Variants in DCC observed in about 807,000 individuals in gnomAD.
DCC encodes the protein DCC netrin 1 receptor.
DCC carries 58 observed loss-of-function variants against 172.5 expected under a neutral mutation model. The observed-to-expected ratio is 0.34, with a 90% CI of 0.27 to 0.42. The LOEUF (loss-of-function observed/expected upper bound fraction) is 0.42, where lower values mean the gene tolerates loss of function less well. DCC is among the 10% of genes least tolerant of loss of function. The pLI is 1.00. For synonymous variants in DCC, 709 were observed against 644.5 expected (o/e 1.10, Z -1.52); for missense variants, 1,740 against 1,791.0 (o/e 0.97, Z 0.51).
intron 1 of DCC, among the ~76,000 whole-genome samples, chr18:52,722,687 A>G (rs540161705): frequency 6.6e-6 from 1 of 152,090 alleles, no homozygotes; most frequent in African/African-American, 2.4e-5. Flanking sequence ...TTTTTGAGGA[A>G]CTCTCAGAGA....
intron 12 of DCC, among the ~76,000 whole-genome samples, chr18:53,238,449 A>AT (rs1403263031): frequency 4.6e-5 from 7 of 152,306 alleles, no homozygotes; most frequent in African/African-American, 1.4e-4. Flanking sequence ...CAGAATTGAA[A>AT]TATTTCCATT....
At chr18:52,461,679 C>T (rs1347257150) in intron 1 of DCC, among the ~76,000 whole-genome samples, 1 of 152,186 alleles carries the variant, frequency 6.6e-6, no homozygotes, top group African/African-American at 2.4e-5. Flanking sequence ...CGTACATTGT[C>T]TGTGATTAGC....
chr18:53,491,521 C>A (rs995160957), intron 26 of DCC, among the ~76,000 whole-genome samples: 1 of 151,912 alleles, frequency 6.6e-6, no homozygotes, highest in Non-Finnish European at 1.5e-5. Flanking sequence ...ACCCTCCAAT[C>A]CCCGAGAGGC....
intron 1 of DCC, among the ~76,000 whole-genome samples, chr18:52,559,087 A>T (rs1043118931): frequency 6.6e-6 from 1 of 151,982 alleles, no homozygotes; most frequent in African/African-American, 2.4e-5. Context: ...TTGCTTCATT[A>T]TTAAGACAGG....
intron 2 of DCC, among the ~76,000 whole-genome samples, chr18:52,856,625 C>A (rs1411371609): frequency 1.6e-3 from 136 of 82,938 alleles, no homozygotes; most frequent in African/African-American, 2.6e-3. Context: ...GACTCCATCT[C>A]AAAAAAAAAA....
chr18:52,570,329 C>T (rs1157464931), intron 1 of DCC, among the ~76,000 whole-genome samples: 1 of 152,118 alleles, frequency 6.6e-6, no homozygotes, highest in African/African-American at 2.4e-5. Context: ...GCAGATGCTT[C>T]TCCCGTTTAT....
At chr18:53,191,776 T>G (rs1365419039) in intron 9 of DCC, among the ~76,000 whole-genome samples, 1 of 152,222 alleles carries the variant, frequency 6.6e-6, no homozygotes, top group African/African-American at 2.4e-5. Context: ...CTCAGCATGA[T>G]AACAGCTCTT....
At chr18:53,530,154 C>T in intron 28 of DCC, 2 of 604,566 alleles carry the variant, frequency 3.3e-6, no homozygotes, top group South Asian at 4.0e-5. Flanking sequence ...ATGCCAGACC[C>T]TATCATGGGT....
chr18:52,937,511 G>T (rs1385743757), intron 5 of DCC, among the ~76,000 whole-genome samples: 2 of 152,076 alleles, frequency 1.3e-5, no homozygotes. Context: ...GCATTTGTAT[G>T]ATTGTGACTT....
intron 2 of DCC, among the ~76,000 whole-genome samples, chr18:52,761,692 A>G (rs1333987303): frequency 6.6e-6 from 1 of 152,102 alleles, no homozygotes; most frequent in Non-Finnish European, 1.5e-5. Flanking sequence ...GCTCTAGCCC[A>G]GAGTTCTTTG....
intron 1 of DCC, among the ~76,000 whole-genome samples, chr18:52,537,964 G>A (rs2032334767): frequency 6.6e-6 from 1 of 152,104 alleles, no homozygotes. Context: ...TAATTCAAAT[G>A]TTACACTTTT....
chr18:52,882,420 A>G (rs1294354531), intron 2 of DCC, among the ~76,000 whole-genome samples: 7 of 151,932 alleles, frequency 4.6e-5, no homozygotes. Context: ...GTAGACACTT[A>G]TAACTATGAA....
intron 25 of DCC, among the ~76,000 whole-genome samples, chr18:53,485,417 A>G (rs1172156090): frequency 6.6e-6 from 1 of 152,136 alleles, no homozygotes; most frequent in African/African-American, 2.4e-5. Context: ...AAATTGAAAT[A>G]TCACTTAGAT....
intron 27 of DCC, among the ~76,000 whole-genome samples, chr18:53,508,327 G>A (rs2046208742): frequency 6.6e-6 from 1 of 152,014 alleles, no homozygotes; most frequent in African/African-American, 2.4e-5. Flanking sequence ...CGAGTAACTG[G>A]GACTACAGGT....
At position 53,339,863 on chromosome 18, in the gene DCC, T is replaced by C. The variant is rs188902738; in HGVS notation, c.2315T>C (p.Val772Ala). The C allele has an allele frequency of 7.9e-5, 128 of 1,613,918 alleles. 2 individuals are homozygous for C. The East Asian group carries it at 1.8e-3, about 22-fold the overall frequency. ...YGVGSPYAET[V>A]RVDSKQRYYS... ...GTTGGGAGCCCTTACGCTGAGACAGTGCGTGTGGACAGCAAGCAGCGATAT... is the reference window on the plus strand; with the variant it reads ...GTTGGGAGCCCTTACGCTGAGACAGCGCGTGTGGACAGCAAGCAGCGATAT... The change falls in exon 15 of 29, where the codon GTG becomes GCG. Residue 772 changes from valine to alanine, a missense_variant. Transcript: ENST00000442544.
At chr18:52,876,540 C>CTATGTATGTATA (rs2039405974) in intron 2 of DCC, among the ~76,000 whole-genome samples, 1 of 152,208 alleles carries the variant, frequency 6.6e-6, no homozygotes. Flanking sequence ...TGTATTTTCT[C>CTATGTATGTATA]AAGCCATAGA....
chr18:53,088,721 GGTAGA>G (rs1410723940), intron 7 of DCC, among the ~76,000 whole-genome samples: 1 of 152,098 alleles, frequency 6.6e-6, no homozygotes, highest in African/African-American at 2.4e-5. Context: ...AATAAAAAAT[GGTAGA>G]GTATTTTCTT....
intron 2 of DCC, among the ~76,000 whole-genome samples, chr18:52,860,269 C>A (rs932580804): frequency 6.6e-6 from 1 of 152,340 alleles, no homozygotes; most frequent in Non-Finnish European, 1.5e-5. Flanking sequence ...CATCAGCTGG[C>A]ACAAAAGCTG....
At chr18:53,395,180 C>G (rs12327184) in intron 17 of DCC, among the ~76,000 whole-genome samples, 63,258 of 149,966 alleles carry the variant, frequency 0.42, 15,162 homozygotes, top group Non-Finnish European at 0.55. Context: ...AAGGCTCAGA[C>G]AGGTACCATC....
Sources: gnomAD v4.1 joint callset for allele counts (sites outside exome capture counted in the v4.1 genomes callset) on GRCh38, gnomAD v4.1.1 for gene constraint, MANE v1.5 for transcripts, NCBI Gene and HGNC (gene_info 2026-07-23, HGNC 2026-07-21) for gene names.